The following SMARCA2 variants were observed in gnomAD, a reference collection of about 807,000 sequenced individuals.
SMARCA2 encodes SWI/SNF related BAF chromatin remodeling complex subunit ATPase 2.
Under a neutral mutation model 199.8 loss-of-function variants are expected in SMARCA2, and 61 were observed. The ratio of observed to expected loss-of-function variants is 0.31; its 90% CI spans 0.25 to 0.38. The LOEUF (loss-of-function observed/expected upper bound fraction) is 0.38, where lower values mean the gene tolerates loss of function less well. Among genes scored for constraint, SMARCA2 ranks in the 10% least tolerant of loss-of-function variants. SMARCA2 has a pLI of 1.00. For synonymous variants in SMARCA2, 935 were observed against 732.0 expected (o/e 1.28, Z -4.48); for missense variants, 1,344 against 2,012.2 (o/e 0.67, Z 6.35).
chr9:2,038,957 G>T (rs375958970), intron 3 of SMARCA2, among the ~76,000 whole-genome samples: 1 of 152,104 alleles, frequency 6.6e-6, no homozygotes. Context: ...TTATGTTCTC[G>T]CAGTTGGAGC....
At chr9:2,055,303 C>T (rs73638369) in intron 6 of SMARCA2, among the ~76,000 whole-genome samples, 3,409 of 152,260 alleles carry the variant, frequency 0.022, 129 homozygotes, top group African/African-American at 0.076. Flanking sequence ...TAGTTTACAG[C>T]AGTTATTAAA....
In SMARCA2 at chr9:2,068,244, C is replaced by T. The variant is rs141409683; in HGVS notation, c.1693-2174C>T. Reference sequence around the variant, plus strand: ...ACTAGCTTAGATGTAGAGCCTGATGCTCTTTGAAGCTGATCATTTCTTTTG... The same window carrying T: ...ACTAGCTTAGATGTAGAGCCTGATGTTCTTTGAAGCTGATCATTTCTTTTG... On this transcript the variant is annotated intron_variant, in intron 9 of 33. Coordinates refer to ENST00000349721, the MANE Select transcript of SMARCA2 (RefSeq NM_003070.5). Among the ~76,000 whole-genome samples, 422 of 152,300 alleles carry T rather than the reference C, an allele frequency of 2.8e-3. 5 individuals are homozygous for T. Among genetic ancestry groups the T allele is most frequent in the African/African-American group, 9.7e-3 (405 of 41,558 alleles).
chr9:2,109,285 C>T (rs902895074), intron 23 of SMARCA2, among the ~76,000 whole-genome samples: 2 of 152,114 alleles, frequency 1.3e-5, no homozygotes, highest in African/African-American at 4.8e-5. Flanking sequence ...TTTCAAAATT[C>T]AGCATCTAAG....
chr9:2,153,518 A>G (rs1480659514), intron 27 of SMARCA2, among the ~76,000 whole-genome samples: 1 of 152,212 alleles, frequency 6.6e-6, no homozygotes, highest in Non-Finnish European at 1.5e-5. Flanking sequence ...CCTGGGTAAC[A>G]GAATGAGGCC....
intron 4 of SMARCA2, chr9:2,044,590 T>C (rs1819754824): frequency 1.3e-5 from 2 of 152,222 alleles, no homozygotes; most frequent in Admixed American, 6.5e-5. Flanking sequence ...TCACTGAATC[T>C]TCACCGCTGC....
At chr9:2,057,696 T>A (rs1352535036) in intron 7 of SMARCA2, among the ~76,000 whole-genome samples, 1 of 152,214 alleles carries the variant, frequency 6.6e-6, no homozygotes, top group Non-Finnish European at 1.5e-5. Flanking sequence ...AGGATTTGAT[T>A]TCCTGTCATA....
At chr9:2,160,733 G>A (rs1825624913) in intron 27 of SMARCA2, 1 of 474,646 alleles carries the variant, frequency 2.1e-6, no homozygotes. Context: ...TAGTTATTTT[G>A]TGTGAGAGAG....
rs1826188472 is a variant in SMARCA2, at chr9:2,170,465, G to A, written c.4246G>A (p.Gly1416Arg). The change falls in exon 29 of 34, where the codon GGA (glycine) becomes AGA (arginine). Residue 1416 changes from glycine (G) to arginine (R), a missense_variant. By Grantham distance (125) the Gly-to-Arg change is moderately radical. This residue lies in a region of SMARCA2 where 151 missense variants were observed against 154.0 expected (regional missense o/e 0.98). Transcript: ENST00000349721. This position sits in a 1 kb window ranked among gnomAD's most constrained non-coding sequence, Gnocchi z 4.7. ...CAGTAATTCTCAGTTGGAAATAGAA[G>A]GAAACAGGTCAGGATCTGTCTTGTA... Reference protein sequence around the residue: ...VPSNSQLEIEGNSSGRQLSEV... With the variant: ...VPSNSQLEIERNSSGRQLSEV... 1 of 1,614,100 alleles carries A rather than the reference G, an allele frequency of 6.2e-7. No homozygotes were observed. The highest frequency in any genetic ancestry group is 1.1e-5 in the South Asian group (1 of 91,078).
At chr9:2,094,098 C>A (rs1400855330) in intron 19 of SMARCA2, among the ~76,000 whole-genome samples, 3 of 152,112 alleles carry the variant, frequency 2.0e-5, no homozygotes, top group East Asian at 1.9e-4. Flanking sequence ...TAGAAAGGAG[C>A]CTTAAGACTA....
Position 2,084,370 on chromosome 9 carries a change from C to CTG in SMARCA2, c.2526+220_2526+221dup, listed in dbSNP as rs3057851. ...GGTCGTGGATTTGATTTCATGCATG[C>CTG]TGTGTGTGTGTGTGTGTGTGTGTGT... On this transcript the variant is annotated intron_variant, in intron 17 of 33. Coordinates refer to ENST00000349721, the MANE Select transcript of SMARCA2 (RefSeq NM_003070.5). 0.11 allele frequency among the ~76,000 whole-genome samples: 14,261 copies of CTG among 132,240 alleles called. 739 individuals are homozygous for CTG. The highest frequency in any genetic ancestry group is 0.12 in the Admixed American group (1,548 of 13,140). The allele number at this position is 132,240 out of a possible 152,430, so 86.8% of individuals were successfully genotyped here.
Position 2,124,205 on chromosome 9 carries a change from G to A in SMARCA2, c.3981+268G>A, listed in dbSNP as rs75116060. On this transcript the variant is annotated intron_variant, in intron 27 of 33. Transcript: ENST00000349721. ...GCTAGAGCAGAATTGGCCATTGGAA[G>A]CACAGGATTATGAGAGCTGTGAGAC... 4.5e-3 allele frequency among the ~76,000 whole-genome samples: 684 copies of A among 152,334 alleles called. 14 individuals carry two copies. Among genetic ancestry groups the A allele is most frequent in the East Asian group, 0.036 (184 of 5,180 alleles).
rs75196314 is a variant in SMARCA2, at chr9:2,092,176, C to A, written c.2883+3563C>A. On this transcript the variant is annotated intron_variant, in intron 19 of 33. Coordinates refer to ENST00000349721, the MANE Select transcript of SMARCA2 (RefSeq NM_003070.5). ...TGCTGACTCTTTTGTTAATTCATATCATCAAGAACCAACTATACTTGCAAT... is the reference window on the plus strand; with the variant it reads ...TGCTGACTCTTTTGTTAATTCATATAATCAAGAACCAACTATACTTGCAAT... Among the ~76,000 whole-genome samples, 7 of 152,312 alleles carry A rather than the reference C, an allele frequency of 4.6e-5. No homozygotes were observed. In the East Asian group the frequency reaches 1.3e-3, roughly 29 times the overall value.
rs1298185603 is a variant in SMARCA2, at chr9:2,073,005, A to G, written c.1747-207A>G. 4.0e-5 allele frequency: 22 copies of G among 552,298 alleles called. No individual in the cohort carries two copies. The East Asian group carries it at 5.0e-4, about 13-fold the overall frequency. The allele number at this position is 552,298 out of a possible 1,614,324, so 34.2% of individuals were successfully genotyped here. On this transcript the variant is annotated intron_variant, in intron 10 of 33. Transcript: ENST00000349721. ...TGCTGGAGCTGAGGTTTGTGCCTGT[A>G]TCTTAGCTACCAGGGAGGCAGCATT...
At chr9:2,097,558 A>G in intron 21 of SMARCA2, 87 bp downstream of exon 21, 1 of 814,460 alleles carries the variant, frequency 1.2e-6, no homozygotes, top group Non-Finnish European at 2.0e-6. Context: ...GAAAAAAAAA[A>G]ACCAAAATAG....
Position 2,170,317 on chromosome 9 carries a change from G to A in SMARCA2, c.4200-102G>A. 1 of 1,463,508 alleles carries A rather than the reference G, an allele frequency of 6.8e-7. No homozygotes were observed. Among genetic ancestry groups the A allele is most frequent in the Non-Finnish European group, 9.4e-7 (1 of 1,066,282 alleles). 90.7% of individuals were successfully genotyped at this position (1,463,508 alleles called of 1,614,324 possible). On this transcript the variant is annotated intron_variant, in intron 28 of 33. Coordinates refer to ENST00000349721, the MANE Select transcript of SMARCA2 (RefSeq NM_003070.5). This position sits in a 1 kb window ranked among gnomAD's most constrained non-coding sequence, Gnocchi z 4.7. ...CTTCCTAACAAGGCAGGTTGGTGAGGAGACTGAGGCTTGGCCAGGTCACCC... is the reference window on the plus strand; with the variant it reads ...CTTCCTAACAAGGCAGGTTGGTGAGAAGACTGAGGCTTGGCCAGGTCACCC...
intron 4 of SMARCA2, chr9:2,041,465 G>A (rs1346228753): frequency 1.3e-5 from 5 of 398,414 alleles, no homozygotes; most frequent in Non-Finnish European, 2.2e-5. Context: ...GCTCTCTGGA[G>A]CCTCTTTTAC....
chr9:2,019,533 T>C (rs1274846605), intron 1 of SMARCA2, among the ~76,000 whole-genome samples: 1 of 151,724 alleles, frequency 6.6e-6, no homozygotes, highest in African/African-American at 2.4e-5. Context: ...GCTTGTATTA[T>C]ATTGTTAATG....
intron 27 of SMARCA2, among the ~76,000 whole-genome samples, chr9:2,144,400 G>C (rs931917406): frequency 5.3e-5 from 8 of 152,166 alleles, no homozygotes; most frequent in African/African-American, 1.7e-4. Context: ...GACAAGACCA[G>C]GTTAGAAGGA....
chr9:2,107,677 T>G (rs921744254), intron 23 of SMARCA2, among the ~76,000 whole-genome samples: 1 of 152,200 alleles, frequency 6.6e-6, no homozygotes, highest in South Asian at 2.1e-4. Context: ...GTATCTGTTA[T>G]AGGGTCTGAA....
Sources: gnomAD v4.1 joint callset for allele counts (sites outside exome capture counted in the v4.1 genomes callset) on GRCh38, gnomAD v4.1.1 for gene constraint, gnomAD v4.1.1 regional missense constraint, Gnocchi (gnomAD v3.1) non-coding constraint, MANE v1.5 for transcripts, NCBI Gene and HGNC (gene_info 2026-07-23, HGNC 2026-07-21) for gene names.